CARS1: variants seen among roughly 807,000 people sequenced by gnomAD.
CARS1 encodes the protein cysteinyl-tRNA synthetase 1.
In CARS1, 48 loss-of-function variants were observed where a neutral mutation model predicts 106.2. That is an observed-to-expected ratio of 0.45 (90% CI 0.36 to 0.57). The LOEUF (loss-of-function observed/expected upper bound fraction) is 0.57, where lower values mean the gene tolerates loss of function less well. Among genes scored for constraint, CARS1 ranks in the 20% least tolerant of loss-of-function variants. CARS1 has a pLI of 0.00. For synonymous variants in CARS1, 409 were observed against 403.4 expected (o/e 1.01, Z -0.17); for missense variants, 968 against 1,057.2 (o/e 0.92, Z 1.17).
At chr11:3,057,247 C>A (rs1174197590) in intron 1 of CARS1, 96 bp downstream of exon 1, 4 of 1,081,420 alleles carry the variant, frequency 3.7e-6, no homozygotes, top group Non-Finnish European at 4.2e-6. Context: ...GCACCCGGGC[C>A]CCTCAGACAT....
rs1421863471 is a variant in CARS1 at position 3,003,057 on chromosome 11, A to G, written c.2218-457T>C. Among the ~76,000 whole-genome samples, 1 of 152,164 alleles carries G rather than the reference A, an allele frequency of 6.6e-6. No individual in the cohort carries two copies. Among genetic ancestry groups the G allele is most frequent in the Non-Finnish European group, 1.5e-5 (1 of 68,020 alleles). ...AGGATGGGGATGGTGGGCGGAGGGC[A>G]GCCTTGGGGGCTAGGTGAGGAGACC... On this transcript the variant is annotated intron_variant, in intron 20 of 22. Transcript: ENST00000380525. This position sits in a 1 kb window ranked among gnomAD's most constrained non-coding sequence, Gnocchi z 4.8.
intron 10 of CARS1, among the ~76,000 whole-genome samples, chr11:3,025,321 G>A (rs867503341): frequency 1.4e-4 from 22 of 152,148 alleles, no homozygotes; most frequent in African/African-American, 4.8e-4. Flanking sequence ...TCTGCCTCCT[G>A]GGTTCAAGTG....
chr11:3,048,075 A>G lies in CARS1; in HGVS notation c.26-74T>C. 6.4e-7 allele frequency: 1 copy of G among 1,560,148 alleles called. No individual in the cohort carries two copies. Among genetic ancestry groups the G allele is most frequent in the Non-Finnish European group, 8.7e-7 (1 of 1,147,704 alleles). ...AGAGGCCGCCAGAAAGACAGGGACTAGGGGATGGCACAGAACCAAGGAAAA... is the reference window on the plus strand; with the variant it reads ...AGAGGCCGCCAGAAAGACAGGGACTGGGGGATGGCACAGAACCAAGGAAAA... On this transcript the variant is annotated intron_variant, in intron 1 of 22. Transcript: ENST00000380525. This position sits in a 1 kb window ranked among gnomAD's most constrained non-coding sequence, Gnocchi z 5.1.
chr11:3,027,000 C>CT lies in CARS1; in HGVS notation c.1032-204dup, dbSNP rs1852154284. 5.3e-6 allele frequency: 3 copies of CT among 560,826 alleles called. No individual in the cohort carries two copies. The East Asian group carries it at 9.8e-5, about 18-fold the overall frequency. The allele number at this position is 560,826 out of a possible 1,614,324, so 34.7% of individuals were successfully genotyped here. On this transcript the variant is annotated intron_variant, in intron 9 of 22. Coordinates refer to ENST00000380525, the MANE Select transcript of CARS1 (RefSeq NM_001014437.3). ...CCATCCCGCTGCGGAGGCAGCCTGC[C>CT]TGCCCTGGGCAGCTCGTCCCTCTGC...
chr11:3,027,215 T>C (rs562319630), intron 9 of CARS1: 1 of 157,000 alleles, frequency 6.4e-6, no homozygotes, highest in East Asian at 1.9e-4. Context: ...GAGCTTCGGC[T>C]TGCCCATGCC....
In CARS1 at chr11:3,037,008, TAA is replaced by T. The variant is rs80157407; in HGVS notation, c.801+1040_801+1041del. 4.2e-5 allele frequency among the ~76,000 whole-genome samples: 6 copies of T among 143,414 alleles called. No individual in the cohort carries two copies. The highest frequency in any genetic ancestry group is 3.1e-5 in the Non-Finnish European group (2 of 65,168). 94.1% of individuals were successfully genotyped at this position (143,414 alleles called of 152,430 possible). A position where few individuals can be genotyped will look rare whatever the true frequency, so the allele number is the denominator to read the frequency against. ...CTTATGATGTGTGTTTTACCACAAT[TAA>T]AAAAAAAAAAAGAATATTAGTGGAA... is the stretch of plus-strand genomic sequence containing the variant. On this transcript the variant is annotated intron_variant, in intron 7 of 22. Transcript: ENST00000380525. This position sits in a 1 kb window ranked among gnomAD's most constrained non-coding sequence, Gnocchi z 5.9.
chr11:3,027,735 G>A lies in CARS1; in HGVS notation c.1032-938C>T, dbSNP rs148493507. The A allele has an allele frequency of 7.1e-3, 3,028 of 426,328 alleles. 14 individuals carry two copies. The highest frequency in any genetic ancestry group is 0.01 in the Non-Finnish European group (2,142 of 209,192). 26.4% of individuals were successfully genotyped at this position (426,328 alleles called of 1,614,324 possible). A position where few individuals can be genotyped will look rare whatever the true frequency, so the allele number is the denominator to read the frequency against. ...AGAGTGTGAACCTCCTGTTATGCCC[G>A]GACACGGCCACCAGAAGGGTTCCTT... On this transcript the variant is annotated intron_variant, in intron 9 of 22. Coordinates refer to ENST00000380525, the MANE Select transcript of CARS1 (RefSeq NM_001014437.3).
rs1236394663 is a variant in CARS1, at chr11:3,040,573, C to T, written c.455+323G>A. On this transcript the variant is annotated intron_variant, in intron 4 of 22. Transcript: ENST00000380525. The surrounding 1 kb of genome is among the most constrained non-coding windows in gnomAD (Gnocchi z 5.8). Reference sequence around the variant, plus strand: ...CACGGGAACTCAGCATCTGGGGACCCCACGAGAGCTTGAGGGATGAGAGAA... The same window carrying T: ...CACGGGAACTCAGCATCTGGGGACCTCACGAGAGCTTGAGGGATGAGAGAA... The T allele has an allele frequency of 1.9e-6, 1 of 519,658 alleles. No individual in the cohort carries two copies. The highest frequency in any genetic ancestry group is 3.7e-6 in the Non-Finnish European group (1 of 268,988). 32.2% of individuals were successfully genotyped at this position (519,658 alleles called of 1,614,324 possible). A position where few individuals can be genotyped will look rare whatever the true frequency, so the allele number is the denominator to read the frequency against.
chr11:3,024,420 G>GC (rs1194473100), intron 10 of CARS1, among the ~76,000 whole-genome samples: 3 of 151,878 alleles, frequency 2.0e-5, no homozygotes, highest in Admixed American at 2.0e-4. Flanking sequence ...TCCTGTCAGT[G>GC]TTGGTATCTT....
rs1851594428 is a variant in CARS1 at position 3,021,814 on chromosome 11, C to G, written c.1154-1482G>C. 6.6e-6 allele frequency among the ~76,000 whole-genome samples: 1 copy of G among 152,212 alleles called. No individual in the cohort carries two copies. Among genetic ancestry groups the G allele is most frequent in the African/African-American group, 2.4e-5 (1 of 41,454 alleles). ...GGCTTCCTTCTACCTCCGCACTGTT[C>G]TGCCACTGACAATTCCGCAAAAGCA... On this transcript the variant is annotated intron_variant, in intron 10 of 22. Coordinates refer to ENST00000380525, the MANE Select transcript of CARS1 (RefSeq NM_001014437.3). This position sits in a 1 kb window ranked among gnomAD's most constrained non-coding sequence, Gnocchi z 5.3.
chr11:3,041,236 G>A lies in CARS1; in HGVS notation c.367-252C>T. Reference sequence around the variant, plus strand: ...GGGGTTCTACTCATCTATGGAGGGAGGCGATAAAGGGAATCAATGATTTTA... The same window carrying A: ...GGGGTTCTACTCATCTATGGAGGGAAGCGATAAAGGGAATCAATGATTTTA... On this transcript the variant is annotated intron_variant, in intron 3 of 22. Coordinates refer to ENST00000380525, the MANE Select transcript of CARS1 (RefSeq NM_001014437.3). The surrounding 1 kb of genome is among the most constrained non-coding windows in gnomAD (Gnocchi z 4.9). The A allele has an allele frequency of 1.9e-6, 1 of 516,038 alleles. No homozygotes were observed. Among genetic ancestry groups the A allele is most frequent in the Non-Finnish European group, 3.5e-6 (1 of 289,238 alleles). 32.0% of individuals were successfully genotyped at this position (516,038 alleles called of 1,614,324 possible).
rs561957837 is a variant in CARS1 at position 3,032,765 on chromosome 11, T to C, written c.802-3322A>G. ...AGTTGGGGTGGGGAGGAAGGGATAA[T>C]AGCTGGAGCACAGAGGATGTTCAGG... On this transcript the variant is annotated intron_variant, in intron 7 of 22. Coordinates refer to ENST00000380525, the MANE Select transcript of CARS1 (RefSeq NM_001014437.3). Among the ~76,000 whole-genome samples, 3 of 151,488 alleles carry C rather than the reference T, an allele frequency of 2.0e-5. No homozygotes were observed. The South Asian group carries it at 6.3e-4, about 32-fold the overall frequency.
chr11:3,055,807 T>A (rs1856145317), intron 1 of CARS1, among the ~76,000 whole-genome samples: 1 of 152,224 alleles, frequency 6.6e-6, no homozygotes, highest in Non-Finnish European at 1.5e-5. Context: ...ACACAGCACT[T>A]AATTGAGTGC....
Position 3,037,244 on chromosome 11 carries a change from G to A in CARS1, c.801+806C>T, listed in dbSNP as rs575135818. 2.6e-5 allele frequency among the ~76,000 whole-genome samples: 4 copies of A among 152,318 alleles called. No homozygotes were observed. Among genetic ancestry groups the A allele is most frequent in the East Asian group, 1.9e-4 (1 of 5,184 alleles). On this transcript the variant is annotated intron_variant, in intron 7 of 22. Coordinates refer to ENST00000380525, the MANE Select transcript of CARS1 (RefSeq NM_001014437.3). The surrounding 1 kb of genome is among the most constrained non-coding windows in gnomAD (Gnocchi z 5.9). ...GTTTCCGTGAAGTTTGGAAACAGGC[G>A]CAACGAAGCGATCTGCTGAGTCAGG... is the stretch of plus-strand genomic sequence containing the variant.
At chr11:3,011,766 C>T (rs528115143) in intron 18 of CARS1, among the ~76,000 whole-genome samples, 2 of 152,272 alleles carry the variant, frequency 1.3e-5, no homozygotes, top group South Asian at 4.1e-4. Context: ...GCAGCAGGAA[C>T]GAGCCACACC....
At chr11:3,015,937 G>T in intron 16 of CARS1, 88 bp from the exon 17 acceptor site, 1 of 1,113,650 alleles carries the variant, frequency 9.0e-7, no homozygotes. Flanking sequence ...CCTCGTTCAC[G>T]GGAGGGGGTG....
At chr11:3,024,067 A>G (rs1346596643) in intron 10 of CARS1, among the ~76,000 whole-genome samples, 2 of 151,834 alleles carry the variant, frequency 1.3e-5, no homozygotes, top group African/African-American at 4.8e-5. Flanking sequence ...TAATTTTTGT[A>G]TTTTTAGTAG....
rs1338856244 is a variant in CARS1, at chr11:3,050,055, C to T, written c.26-2054G>A. Among the ~76,000 whole-genome samples, 1 of 152,230 alleles carries T rather than the reference C, an allele frequency of 6.6e-6. No homozygotes were observed. Among genetic ancestry groups the T allele is most frequent in the Admixed American group, 6.5e-5 (1 of 15,292 alleles). ...CCACTGGGCCGAGCTCTTCACCCGCCAGGGAGCCTACGGAGCCACGTGATG... is the reference window on the plus strand; with the variant it reads ...CCACTGGGCCGAGCTCTTCACCCGCTAGGGAGCCTACGGAGCCACGTGATG... On this transcript the variant is annotated intron_variant, in intron 1 of 22. Coordinates refer to ENST00000380525, the MANE Select transcript of CARS1 (RefSeq NM_001014437.3). The surrounding 1 kb of genome is among the most constrained non-coding windows in gnomAD (Gnocchi z 6.3).
Position 3,001,977 on chromosome 11 carries a change from T to C in CARS1, c.2354A>G (p.Asp785Gly). 3.1e-6 allele frequency: 5 copies of C among 1,611,258 alleles called. No individual in the cohort carries two copies. The highest frequency in any genetic ancestry group is 3.4e-6 in the Non-Finnish European group (4 of 1,177,392). ...LSETDKYSKF[D>G]ENGLPTHDME... ...GGATGCTTACATGCTTACATTTTCA[T>C]CAAACTTGGAGTATTTGTCGGTTTC... The change falls in exon 22 of 23, where the codon GAT becomes GGT. Residue 785 changes from aspartate to glycine, a missense_variant. Coordinates refer to ENST00000380525, the MANE Select transcript of CARS1 (RefSeq NM_001014437.3).
Sources: gnomAD v4.1 joint callset for allele counts (sites outside exome capture counted in the v4.1 genomes callset) on GRCh38, gnomAD v4.1.1 for gene constraint, Gnocchi (gnomAD v3.1) non-coding constraint, MANE v1.5 for transcripts, NCBI Gene and HGNC (gene_info 2026-07-23, HGNC 2026-07-21) for gene names.